ADAMTS17: variants seen among roughly 807,000 people sequenced by gnomAD.
The protein encoded by ADAMTS17 is A disintegrin and metalloproteinase with thrombospondin motifs 17.
A neutral mutation model predicts 141.5 loss-of-function variants in ADAMTS17; 113 were observed. The ratio of observed to expected loss-of-function variants is 0.80; its 90% CI spans 0.69 to 0.93. ADAMTS17 has a LOEUF of 0.93. Ranked by LOEUF, ADAMTS17 falls within the 40% of genes least tolerant of loss-of-function variation. The pLI is 0.00. For synonymous variants in ADAMTS17, 768 were observed against 630.6 expected (o/e 1.22, Z -3.27); for missense variants, 1,659 against 1,517.9 (o/e 1.09, Z -1.54).
At chr15:100,228,439 A>T (rs185215251) in intron 7 of ADAMTS17, among the ~76,000 whole-genome samples, 1 of 152,354 alleles carries the variant, frequency 6.6e-6, no homozygotes, top group Admixed American at 6.5e-5. Flanking sequence ...GCAAAGCCTG[A>T]CAGGTACAGA....
At position 100,341,244 on chromosome 15, in the gene ADAMTS17, A is replaced by C. The variant is rs1248428760; in HGVS notation, c.245T>G (p.Leu82Arg). 3 of 1,381,404 alleles carry C rather than the reference A, an allele frequency of 2.2e-6. No homozygotes were observed. Among genetic ancestry groups the C allele is most frequent in the Admixed American group, 2.7e-5 (1 of 36,622 alleles). The allele number at this position is 1,381,404 out of a possible 1,614,324, so 85.6% of individuals were successfully genotyped here. ...PRARPGERALLLHLPAFGRDL... is the reference protein window; with the variant it reads ...PRARPGERALRLHLPAFGRDL... ...GCGCCCGAAGGCCGGCAGGTGCAGCAGCAGGGCGCGCTCTCCGGGCCGGGC... is the reference window on the plus strand; with the variant it reads ...GCGCCCGAAGGCCGGCAGGTGCAGCCGCAGGGCGCGCTCTCCGGGCCGGGC... Residue 82 changes from leucine (L) to arginine (R), a missense_variant, in exon 2 of 22, where the codon CTG (leucine) becomes CGG (arginine). Physicochemically the swap from Leu to Arg is moderately radical, Grantham distance 102. Transcript: ENST00000268070.
In ADAMTS17 at chr15:100,029,890, CTAGAAATG is replaced by C. The variant is rs2029961905; in HGVS notation, c.2591+18959_2591+18966del. On this transcript the variant is annotated intron_variant, in intron 18 of 21. Coordinates refer to ENST00000268070, the MANE Select transcript of ADAMTS17 (RefSeq NM_139057.4). Reference sequence around the variant, plus strand: ...ATCATGAGTGCTATCAGAGCCCTAGCTAGAAATGTAAGTTTCCAGGTCTCACTCTGGAT... The same window carrying C: ...ATCATGAGTGCTATCAGAGCCCTAGCTAAGTTTCCAGGTCTCACTCTGGAT... 6.6e-5 allele frequency among the ~76,000 whole-genome samples: 10 copies of C among 152,316 alleles called. 1 individual carries two copies. The highest frequency in any genetic ancestry group is 4.6e-4 in the Admixed American group (7 of 15,306).
chr15:100,085,301 T>C (rs997846436), intron 15 of ADAMTS17, among the ~76,000 whole-genome samples: 1 of 151,044 alleles, frequency 6.6e-6, no homozygotes, highest in Non-Finnish European at 1.5e-5. Flanking sequence ...GAAAAAAGAA[T>C]ACAAAGAAAC....
At chr15:100,215,533 T>C (rs746151940) in intron 7 of ADAMTS17, among the ~76,000 whole-genome samples, 6 of 152,114 alleles carry the variant, frequency 3.9e-5, no homozygotes, top group Non-Finnish European at 8.8e-5. Context: ...AACAGAGAAG[T>C]TGACAGCCCC....
intron 3 of ADAMTS17, among the ~76,000 whole-genome samples, chr15:100,317,437 A>G (rs8030282): frequency 0.04 from 6,128 of 152,184 alleles, 221 homozygotes; most frequent in African/African-American, 0.094. Context: ...ATGAGGACCC[A>G]GGTTCCCAGC....
intron 6 of ADAMTS17, among the ~76,000 whole-genome samples, chr15:100,254,467 G>A (rs566645781): frequency 1.3e-5 from 2 of 152,290 alleles, no homozygotes; most frequent in South Asian, 4.1e-4. Flanking sequence ...TTTGGAAGAT[G>A]TTTGCCAAGT....
At chr15:99,977,218 A>G (rs2141267236) in intron 20 of ADAMTS17, among the ~76,000 whole-genome samples, 1 of 150,938 alleles carries the variant, frequency 6.6e-6, no homozygotes, top group South Asian at 2.1e-4. Context: ...GGCTGCTGGC[A>G]TCTCCAGCCC....
At chr15:100,298,119 C>A (rs1685978440) in intron 3 of ADAMTS17, among the ~76,000 whole-genome samples, 1 of 151,880 alleles carries the variant, frequency 6.6e-6, no homozygotes. Context: ...CATGTTTGGC[C>A]CGCGAGGAAA....
Position 100,061,713 on chromosome 15 carries a change from T to C in ADAMTS17, c.2138-7659A>G, listed in dbSNP as rs79928464. Reference sequence around the variant, plus strand: ...CAGGCGGAGCAGCCATGCTGGGAAATCTCAGAAGCCGGGGTCGGAAGCCAA... The same window carrying C: ...CAGGCGGAGCAGCCATGCTGGGAAACCTCAGAAGCCGGGGTCGGAAGCCAA... On this transcript the variant is annotated intron_variant, in intron 15 of 21. Coordinates refer to ENST00000268070, the MANE Select transcript of ADAMTS17 (RefSeq NM_139057.4). Among the ~76,000 whole-genome samples the C allele has an allele frequency of 3.9e-4, 59 of 152,292 alleles. 1 individual carries two copies. In the East Asian group the frequency reaches 0.011, roughly 29 times the overall value.
intron 7 of ADAMTS17, among the ~76,000 whole-genome samples, chr15:100,201,795 T>C (rs1377530370): frequency 6.6e-6 from 1 of 152,220 alleles, no homozygotes; most frequent in Non-Finnish European, 1.5e-5. Context: ...GGATGTGATG[T>C]GGTTTCTCGG....
intron 3 of ADAMTS17, among the ~76,000 whole-genome samples, chr15:100,290,116 A>G (rs924118924): frequency 6.6e-6 from 1 of 152,126 alleles, no homozygotes; most frequent in Non-Finnish European, 1.5e-5. Context: ...TAGAAATCCC[A>G]TAATCTCTAC....
At chr15:100,187,453 G>C (rs12438808) in intron 8 of ADAMTS17, among the ~76,000 whole-genome samples, 18,512 of 152,168 alleles carry the variant, frequency 0.12, 1,416 homozygotes, top group East Asian at 0.31. Context: ...ATGCCAGGCA[G>C]GTACCAGGCT....
chr15:100,223,861 A>T (rs183650445), intron 7 of ADAMTS17, among the ~76,000 whole-genome samples: 38 of 152,126 alleles, frequency 2.5e-4, no homozygotes, highest in Admixed American at 2.2e-3. Context: ...GTATTAACTT[A>T]TACATTCACA....
chr15:100,299,771 T>C (rs10902567), intron 3 of ADAMTS17, among the ~76,000 whole-genome samples: 15,512 of 152,084 alleles, frequency 0.1, 1,249 homozygotes, highest in East Asian at 0.31. Context: ...GGCCAGGCCA[T>C]TGTGTGACTA....
intron 14 of ADAMTS17, among the ~76,000 whole-genome samples, chr15:100,102,758 G>A (rs1054542996): frequency 6.6e-6 from 1 of 152,156 alleles, no homozygotes; most frequent in Non-Finnish European, 1.5e-5. Context: ...CCTGCTCTGG[G>A]TTTCCTCAAA....
At chr15:100,067,765 G>GA (rs1300257335) in intron 15 of ADAMTS17, among the ~76,000 whole-genome samples, 10 of 151,278 alleles carry the variant, frequency 6.6e-5, no homozygotes, top group East Asian at 1.9e-4. Context: ...AATGCAACTG[G>GA]AAAAAAAAGA....
chr15:100,094,012 C>T (rs1023985772), intron 15 of ADAMTS17, among the ~76,000 whole-genome samples: 15 of 151,508 alleles, frequency 9.9e-5, no homozygotes, highest in Admixed American at 2.6e-4. Context: ...CAAATGAGTA[C>T]TGCAGGCAGA....
At chr15:100,115,246 C>T (rs997133080) in intron 13 of ADAMTS17, among the ~76,000 whole-genome samples, 2 of 152,172 alleles carry the variant, frequency 1.3e-5, no homozygotes, top group Admixed American at 6.5e-5. Context: ...CTCCTGCATC[C>T]GACTCACAGC....
At chr15:100,054,349 G>A (rs1035020446) in intron 15 of ADAMTS17, among the ~76,000 whole-genome samples, 1 of 152,220 alleles carries the variant, frequency 6.6e-6, no homozygotes, top group African/African-American at 2.4e-5. Context: ...TGGGGTTAGG[G>A]GTGGAGGGGC....
Sources: gnomAD v4.1 joint callset for allele counts (sites outside exome capture counted in the v4.1 genomes callset) on GRCh38, gnomAD v4.1.1 for gene constraint, MANE v1.5 for transcripts, NCBI Gene and HGNC (gene_info 2026-07-23, HGNC 2026-07-21) for gene names.